The following CREM variants were observed in gnomAD, a reference collection of about 807,000 sequenced individuals.
CREM encodes the protein cAMP responsive element modulator.
Under a neutral mutation model 37.3 loss-of-function variants are expected in CREM, and 13 were observed. That is an observed-to-expected ratio of 0.35 (90% CI 0.23 to 0.55). CREM has a LOEUF of 0.55. Among genes scored for constraint, CREM ranks in the 20% least tolerant of loss-of-function variants. The pLI is 0.88. For missense variants in CREM, 296 were observed against 362.3 expected (o/e 0.82, Z 1.49); for synonymous variants, 124 against 120.2 (o/e 1.03, Z -0.21).
chr10:35,183,514 A>G (rs1391238827), intron 5 of CREM, among the ~76,000 whole-genome samples: 2 of 152,214 alleles, frequency 1.3e-5, no homozygotes, highest in African/African-American at 4.8e-5. Flanking sequence ...TTGTTGTTAT[A>G]GCATGATTTA....
At chr10:35,169,757 G>A (rs1417890639) in intron 3 of CREM, among the ~76,000 whole-genome samples, 8 of 152,054 alleles carry the variant, frequency 5.3e-5, no homozygotes, top group African/African-American at 1.9e-4. Context: ...ATTATTTTGA[G>A]ATACGTCCCA....
chr10:35,191,653 C>T (rs2094924181), intron 6 of CREM, among the ~76,000 whole-genome samples: 1 of 152,090 alleles, frequency 6.6e-6, no homozygotes, highest in South Asian at 2.1e-4. Context: ...CTGCTTCCTC[C>T]ACTTCCTGAG....
chr10:35,183,075 A>T (rs569571483), intron 5 of CREM, among the ~76,000 whole-genome samples: 1 of 152,224 alleles, frequency 6.6e-6, no homozygotes, highest in African/African-American at 2.4e-5. Context: ...ATCCTACTAT[A>T]CCCAACCTCT....
At chr10:35,199,991 G>A (rs910202197) in intron 6 of CREM, among the ~76,000 whole-genome samples, 1 of 146,582 alleles carries the variant, frequency 6.8e-6, no homozygotes, top group Non-Finnish European at 1.5e-5. Context: ...CCAGGTTCAA[G>A]CGATTCACCT....
chr10:35,132,116 G>A (rs891704022), intron 1 of CREM, among the ~76,000 whole-genome samples: 3 of 150,712 alleles, frequency 2.0e-5, no homozygotes, highest in Admixed American at 6.7e-5. Context: ...CAGGAGAATC[G>A]CTTGAACCCG....
At chr10:35,209,091 C>T (rs2095606116) in intron 7 of CREM, among the ~76,000 whole-genome samples, 1 of 152,176 alleles carries the variant, frequency 6.6e-6, no homozygotes, top group African/African-American at 2.4e-5. Flanking sequence ...GGCAACCGGG[C>T]AGTCTTTATT....
intron 3 of CREM, among the ~76,000 whole-genome samples, chr10:35,159,923 T>A (rs927533922): frequency 3.3e-5 from 5 of 152,218 alleles, no homozygotes; most frequent in African/African-American, 1.2e-4. Context: ...TAGATTTTTC[T>A]CAAAAGAAGA....
intron 3 of CREM, among the ~76,000 whole-genome samples, chr10:35,159,635 A>G (rs1360172423): frequency 6.6e-6 from 1 of 152,232 alleles, no homozygotes; most frequent in Non-Finnish European, 1.5e-5. Flanking sequence ...GGAAACAGGA[A>G]ACTCCTTGAC....
At chr10:35,129,568 G>A (rs1013449975) in intron 1 of CREM, among the ~76,000 whole-genome samples, 2 of 152,230 alleles carry the variant, frequency 1.3e-5, no homozygotes, top group Non-Finnish European at 2.9e-5. Context: ...TGGGCCAGAA[G>A]ATTGAGCTAG....
chr10:35,156,171 C>T (rs1236054178), intron 3 of CREM, among the ~76,000 whole-genome samples: 1 of 151,956 alleles, frequency 6.6e-6, no homozygotes, highest in Non-Finnish European at 1.5e-5. Context: ...AATCTCCTGA[C>T]CTCGTGATCC....
chr10:35,131,650 G>T (rs866796960), intron 1 of CREM, among the ~76,000 whole-genome samples: 1 of 152,160 alleles, frequency 6.6e-6, no homozygotes. Flanking sequence ...CACTTAGAAA[G>T]ATACAGGTTT....
intron 2 of CREM, among the ~76,000 whole-genome samples, 157 bp downstream of exon 2, chr10:35,138,036 C>T (rs1755151257): frequency 2.0e-5 from 3 of 152,238 alleles, no homozygotes; most frequent in Middle Eastern, 3.4e-3. Context: ...ACTTAAGGCA[C>T]CATCTACTGT....
chr10:35,140,198 C>T (rs11010107), intron 2 of CREM, among the ~76,000 whole-genome samples: 4,564 of 152,038 alleles, frequency 0.03, 229 homozygotes, highest in African/African-American at 0.1. Flanking sequence ...AACTGAACAC[C>T]GTGCTAGGTA....
At chr10:35,161,996 C>A (rs1048469537) in intron 3 of CREM, among the ~76,000 whole-genome samples, 1 of 152,102 alleles carries the variant, frequency 6.6e-6, no homozygotes, top group Non-Finnish European at 1.5e-5. Context: ...CAGCACTATG[C>A]ATAATGGCCA....
At chr10:35,181,329 G>A (rs2094341724) in intron 5 of CREM, among the ~76,000 whole-genome samples, 1 of 152,112 alleles carries the variant, frequency 6.6e-6, no homozygotes, top group Non-Finnish European at 1.5e-5. Context: ...GGAGATAATG[G>A]GTAAAAGTAG....
At chr10:35,157,242 C>G (rs770406852) in intron 3 of CREM, among the ~76,000 whole-genome samples, 13 of 151,378 alleles carry the variant, frequency 8.6e-5, no homozygotes, top group Non-Finnish European at 1.6e-4. Flanking sequence ...AGGGATGTAC[C>G]TCAGTGCAAC....
chr10:35,149,171 G>A (rs1016138134), intron 3 of CREM, among the ~76,000 whole-genome samples: 1 of 152,164 alleles, frequency 6.6e-6, no homozygotes, highest in African/African-American at 2.4e-5. Flanking sequence ...AATGAATAAG[G>A]CCTACAGAAG....
intron 2 of CREM, among the ~76,000 whole-genome samples, chr10:35,146,925 A>C (rs1192435273): frequency 6.6e-6 from 1 of 152,130 alleles, no homozygotes; most frequent in Non-Finnish European, 1.5e-5. Flanking sequence ...TCAAAGATCT[A>C]AGTGGTCTAT....
intron 3 of CREM, among the ~76,000 whole-genome samples, chr10:35,162,501 C>T (rs2093347552): frequency 6.6e-6 from 1 of 152,124 alleles, no homozygotes; most frequent in African/African-American, 2.4e-5. Context: ...TATATATACT[C>T]CAAAACATCA....
Sources: allele counts gnomAD v4.1 joint callset (sites outside exome capture counted in the v4.1 genomes callset), GRCh38; gene constraint gnomAD v4.1.1; transcripts MANE v1.5; gene names NCBI Gene and HGNC (gene_info 2026-07-23, HGNC 2026-07-21).